Variants in UBAC2 observed in about 807,000 individuals in gnomAD.
UBAC2 encodes the protein ubiquitin-associated domain-containing protein 2.
Under a neutral mutation model 44.0 loss-of-function variants are expected in UBAC2, and 26 were observed. That is an observed-to-expected ratio of 0.59 (90% CI 0.43 to 0.82). The LOEUF (loss-of-function observed/expected upper bound fraction) is 0.82, where lower values mean the gene tolerates loss of function less well. Among genes scored for constraint, UBAC2 ranks in the 40% least tolerant of loss-of-function variants. The probability of loss-of-function intolerance (pLI) is 0.00; values close to 1 mark genes in which losing one functional copy is unlikely to be tolerated. For missense variants in UBAC2, 329 were observed against 419.4 expected (o/e 0.78, Z 1.88); for synonymous variants, 155 against 154.3 (o/e 1.00, Z -0.04).
At chr13:99,350,423 G>A (rs909708126) in intron 7 of UBAC2, among the ~76,000 whole-genome samples, 1 of 152,194 alleles carries the variant, frequency 6.6e-6, no homozygotes, top group African/African-American at 2.4e-5. Context: ...TCTGTGATTA[G>A]GGAGAGGGGT....
At chr13:99,231,061 C>A (rs12869170) in intron 1 of UBAC2, among the ~76,000 whole-genome samples, 25,247 of 152,032 alleles carry the variant, frequency 0.17, 2,388 homozygotes, top group Middle Eastern at 0.23. Flanking sequence ...AAAAAAAGGA[C>A]TCTTGTGATT....
intron 7 of UBAC2, among the ~76,000 whole-genome samples, chr13:99,350,770 C>T (rs565972053): frequency 1.2e-4 from 19 of 152,316 alleles, no homozygotes; most frequent in Non-Finnish European, 2.6e-4. Flanking sequence ...TGGTTAGAAC[C>T]GCAGGTTAGG....
In UBAC2 at chr13:99,386,216, C is replaced by T. The variant is rs1354842870; in HGVS notation, c.*881C>T. On this transcript the variant is annotated 3_prime_UTR_variant, in exon 9 of 9. Coordinates refer to ENST00000403766, the MANE Select transcript of UBAC2 (RefSeq NM_001144072.2). ...TTCTCCTCAGGGCTTGGGTCTTCAA[C>T]CTGTGGCGACAGGAGGCAGGGCAGA... The T allele has an allele frequency of 2.0e-5, 3 of 152,314 alleles. No individual in the cohort carries two copies. Among genetic ancestry groups the T allele is most frequent in the Non-Finnish European group, 4.4e-5 (3 of 68,094 alleles). The allele number at this position is 152,314 out of a possible 1,614,324, so 9.4% of individuals were successfully genotyped here. A position where few individuals can be genotyped will look rare whatever the true frequency, so the allele number is the denominator to read the frequency against.
At chr13:99,294,118 T>C (rs1016754618) in intron 4 of UBAC2, among the ~76,000 whole-genome samples, 1 of 152,160 alleles carries the variant, frequency 6.6e-6, no homozygotes, top group Admixed American at 6.6e-5. Flanking sequence ...ACTCGGATCG[T>C]ATTTAGCAAG....
At chr13:99,325,720 C>G (rs553148195) in intron 6 of UBAC2, among the ~76,000 whole-genome samples, 166 of 152,248 alleles carry the variant, frequency 1.1e-3, no homozygotes, top group African/African-American at 3.7e-3. Flanking sequence ...CCCTAGCAAC[C>G]ACCATTTTAC....
chr13:99,212,485 A>G (rs1374260797), intron 1 of UBAC2, among the ~76,000 whole-genome samples: 1 of 152,218 alleles, frequency 6.6e-6, no homozygotes, highest in Non-Finnish European at 1.5e-5. Flanking sequence ...AGAGCATGAC[A>G]CTAATCTTTG....
intron 4 of UBAC2, among the ~76,000 whole-genome samples, chr13:99,247,630 A>G (rs1012724773): frequency 6.6e-6 from 1 of 152,100 alleles, no homozygotes; most frequent in Non-Finnish European, 1.5e-5. Context: ...CAAATACCTA[A>G]TGCATATGAG....
At chr13:99,318,157 T>C (rs2044518260) in intron 6 of UBAC2, 88 bp downstream of exon 6, 1 of 1,182,790 alleles carries the variant, frequency 8.5e-7, no homozygotes, top group East Asian at 2.4e-5. Context: ...GTGCGTCATA[T>C]TCAACTGTCT....
Position 99,323,067 on chromosome 13 carries a change from A to G in UBAC2, c.561+4998A>G, listed in dbSNP as rs531076038. ...GCCCTGGCCTGCTTCTGGGCGAGGG[A>G]TGGTAGGTGTGAGTTCCTCTGCGCC... On this transcript the variant is annotated intron_variant, in intron 6 of 8. Coordinates refer to ENST00000403766, the MANE Select transcript of UBAC2 (RefSeq NM_001144072.2). Among the ~76,000 whole-genome samples, 350 of 152,072 alleles carry G rather than the reference A, an allele frequency of 2.3e-3. 3 individuals are homozygous for G. Among genetic ancestry groups the G allele is most frequent in the South Asian group, 9.1e-3 (44 of 4,824 alleles).
At chr13:99,242,835 G>A (rs2043333371) in intron 2 of UBAC2, among the ~76,000 whole-genome samples, 4 of 147,544 alleles carry the variant, frequency 2.7e-5, no homozygotes, top group African/African-American at 7.5e-5. Flanking sequence ...CTTCTCAGAC[G>A]GGGCGGCCGG....
Position 99,232,397 on chromosome 13 carries a change from G to GATATATATAT in UBAC2, c.32-6029_32-6028insTATATATATA, listed in dbSNP as rs768838568. Among the ~76,000 whole-genome samples the GATATATATAT allele has an allele frequency of 1.0e-2, 820 of 82,260 alleles. 36 individuals are homozygous for GATATATATAT. Among genetic ancestry groups the GATATATATAT allele is most frequent in the Middle Eastern group, 0.066 (8 of 122 alleles). 54.0% of individuals were successfully genotyped at this position (82,260 alleles called of 152,430 possible). On this transcript the variant is annotated intron_variant, in intron 1 of 8. Transcript: ENST00000403766. ...CAAGACCCTGTCCATCCTTAGTTGA[G>GATATATATAT]AGATATAGATATATATATATATATT... is the stretch of plus-strand genomic sequence containing the variant.
At chr13:99,373,939 G>A (rs751805709) in intron 8 of UBAC2, among the ~76,000 whole-genome samples, 4 of 152,198 alleles carry the variant, frequency 2.6e-5, no homozygotes, top group Non-Finnish European at 4.4e-5. Context: ...TCTCTATCCA[G>A]GCCCAGGAAA....
chr13:99,242,186 C>A (rs2043310256), intron 2 of UBAC2, among the ~76,000 whole-genome samples: 5 of 152,236 alleles, frequency 3.3e-5, no homozygotes, highest in Admixed American at 3.3e-4. Flanking sequence ...TTTTCCCCAC[C>A]TTTCCCCCCC....
At chr13:99,299,310 A>G (rs1200958741) in intron 4 of UBAC2, among the ~76,000 whole-genome samples, 1 of 152,256 alleles carries the variant, frequency 6.6e-6, no homozygotes, top group East Asian at 1.9e-4. Flanking sequence ...AGTAGAATAC[A>G]GGAATACAGC....
At chr13:99,360,570 A>G (rs554728606) in intron 7 of UBAC2, among the ~76,000 whole-genome samples, 2 of 152,276 alleles carry the variant, frequency 1.3e-5, no homozygotes, top group East Asian at 3.9e-4. Context: ...CTCTGCCGTT[A>G]TTCCTTAGCA....
chr13:99,298,003 A>G (rs1167702139), intron 4 of UBAC2, among the ~76,000 whole-genome samples: 1 of 152,144 alleles, frequency 6.6e-6, no homozygotes, highest in African/African-American at 2.4e-5. Context: ...ACAGAGGGTC[A>G]CTGCAAAGGT....
chr13:99,249,676 C>T (rs1411193772), intron 4 of UBAC2, among the ~76,000 whole-genome samples: 1 of 152,148 alleles, frequency 6.6e-6, no homozygotes, highest in African/African-American at 2.4e-5. Flanking sequence ...TAAGTGTTCC[C>T]TTTTCTCACT....
intron 1 of UBAC2, chr13:99,201,169 C>T: frequency 2.2e-6 from 3 of 1,368,224 alleles, no homozygotes; most frequent in South Asian, 4.0e-5. Context: ...GCCCCGACCC[C>T]ACCTGGTATC....
rs2044722356 is a variant in UBAC2 at position 99,332,060 on chromosome 13, C to A, written c.562-8260C>A. 2.6e-5 allele frequency among the ~76,000 whole-genome samples: 4 copies of A among 151,940 alleles called. No individual in the cohort carries two copies. The South Asian group carries it at 6.2e-4, about 24-fold the overall frequency. On this transcript the variant is annotated intron_variant, in intron 6 of 8. Coordinates refer to ENST00000403766, the MANE Select transcript of UBAC2 (RefSeq NM_001144072.2). ...CTTGTCATGCAGAGGCAATATCATG[C>A]CCCTGGGAAAGCAGCCCCTAGGTTT...
Sources: allele counts gnomAD v4.1 joint callset (sites outside exome capture counted in the v4.1 genomes callset), GRCh38; gene constraint gnomAD v4.1.1; transcripts MANE v1.5; gene names NCBI Gene and HGNC (gene_info 2026-07-23, HGNC 2026-07-21).